The following CHL1 variants were observed in gnomAD, a reference collection of about 807,000 sequenced individuals.
The protein encoded by CHL1 is cell adhesion molecule L1 like.
In CHL1, 96 loss-of-function variants were observed where a neutral mutation model predicts 141.9. That is an observed-to-expected ratio of 0.68 (90% CI 0.57 to 0.80). CHL1 has a LOEUF of 0.80. CHL1 is among the 30% of genes least tolerant of loss of function. The probability of loss-of-function intolerance (pLI) is 0.00; values close to 1 mark genes in which losing one functional copy is unlikely to be tolerated. For missense variants in CHL1, 1,820 were observed against 1,457.2 expected, an observed-to-expected ratio of 1.25 and a Z score of -4.05; for synonymous variants, 613 against 502.2, an observed-to-expected ratio of 1.22 and a Z score of -2.95.
chr3:263,143 G>A (rs540706485), intron 2 of CHL1, among the ~76,000 whole-genome samples: 2 of 152,242 alleles, frequency 1.3e-5, no homozygotes, highest in African/African-American at 2.4e-5. Flanking sequence ...ATCCAGATGT[G>A]CCAGCACTGA....
chr3:236,647 G>A (rs760114326), intron 1 of CHL1, among the ~76,000 whole-genome samples: 3 of 152,132 alleles, frequency 2.0e-5, no homozygotes, highest in African/African-American at 7.2e-5. Context: ...TGTCTTCCAA[G>A]TTGTAACAGG....
chr3:378,908 G>A (rs142611207), intron 16 of CHL1, among the ~76,000 whole-genome samples: 19 of 152,160 alleles, frequency 1.2e-4, no homozygotes, highest in Non-Finnish European at 1.9e-4. Context: ...TGGAACTATC[G>A]TAAATTTGTG....
intron 2 of CHL1, among the ~76,000 whole-genome samples, chr3:284,649 T>A (rs331872): frequency 0.42 from 64,311 of 152,112 alleles, 16,147 homozygotes; most frequent in African/African-American, 0.69. Flanking sequence ...AAAGACAAAT[T>A]TTAGTTCTAT....
chr3:266,529 C>T (rs1039394895), intron 2 of CHL1, among the ~76,000 whole-genome samples: 12 of 152,076 alleles, frequency 7.9e-5, no homozygotes, highest in East Asian at 3.9e-4. Flanking sequence ...GTTTGCTCTG[C>T]GGCTGCTCTT....
intron 1 of CHL1, among the ~76,000 whole-genome samples, chr3:220,009 C>G (rs1224662582): frequency 6.6e-6 from 1 of 152,134 alleles, no homozygotes; most frequent in Non-Finnish European, 1.5e-5. Flanking sequence ...GGATGGACTA[C>G]TGATATATGC....
At chr3:242,413 G>A (rs192105112) in intron 1 of CHL1, among the ~76,000 whole-genome samples, 13,777 of 137,108 alleles carry the variant, frequency 0.1, 861 homozygotes, top group Middle Eastern at 0.21. Flanking sequence ...TGGCTAACAC[G>A]GTGAAACCCC....
intron 2 of CHL1, among the ~76,000 whole-genome samples, chr3:308,278 G>A (rs1361762412): frequency 6.6e-6 from 1 of 152,158 alleles, no homozygotes; most frequent in African/African-American, 2.4e-5. Context: ...TTTATTATGT[G>A]TATTTCCTAT....
rs1048693615 is a variant in CHL1 at position 363,499 on chromosome 3, C to T, written c.1585+116C>T. On this transcript the variant is annotated intron_variant, in intron 14 of 27. Transcript: ENST00000256509. ...GAGTACCAGATAAAGTTCTTTGAACCGTTTTTCAAAATTCCTAGAATGGGT... is the reference window on the plus strand; with the variant it reads ...GAGTACCAGATAAAGTTCTTTGAACTGTTTTTCAAAATTCCTAGAATGGGT... 12 of 968,088 alleles carry T rather than the reference C, an allele frequency of 1.2e-5. No homozygotes were observed. In the East Asian group the frequency reaches 1.6e-4, roughly 13 times the overall value. 60.0% of individuals were successfully genotyped at this position (968,088 alleles called of 1,614,324 possible).
chr3:325,947 T>A lies in CHL1; in HGVS notation c.92-12T>A. 3.2e-6 allele frequency: 5 copies of A among 1,583,786 alleles called. No individual in the cohort carries two copies. The highest frequency in any genetic ancestry group is 4.3e-6 in the Non-Finnish European group (5 of 1,155,806). ...GAATAGTGTGTTTTTAAGTACATAT[T>A]TTAATATTTAGTTCAACAGGTTCCA... On this transcript the variant is annotated splice_polypyrimidine_tract_variant and intron_variant, in intron 3 of 27. Coordinates refer to ENST00000256509, the MANE Select transcript of CHL1 (RefSeq NM_006614.4).
At chr3:297,417 A>C (rs1369449693) in intron 2 of CHL1, among the ~76,000 whole-genome samples, 2 of 151,378 alleles carry the variant, frequency 1.3e-5, no homozygotes, top group African/African-American at 4.9e-5. Context: ...CCATTAGACT[A>C]TTTTGGCATT....
chr3:246,077 GATAC>G (rs1244336946), intron 2 of CHL1, among the ~76,000 whole-genome samples: 1 of 152,040 alleles, frequency 6.6e-6, no homozygotes, highest in Non-Finnish European at 1.5e-5. Flanking sequence ...GATTGTGTGG[GATAC>G]ATTTATTCCA....
intron 2 of CHL1, chr3:247,841 A>G (rs1693310812): frequency 6.6e-6 from 1 of 152,140 alleles, no homozygotes; most frequent in African/African-American, 2.4e-5. Flanking sequence ...TGGATGCTAG[A>G]ACATTGTGCA....
At chr3:280,988 C>T (rs2125294314) in intron 2 of CHL1, among the ~76,000 whole-genome samples, 1 of 152,188 alleles carries the variant, frequency 6.6e-6, no homozygotes, top group East Asian at 1.9e-4. Flanking sequence ...ATCACATTTT[C>T]TAACCCAGTA....
chr3:400,408 C>T (rs755561584), intron 26 of CHL1, among the ~76,000 whole-genome samples: 2 of 152,076 alleles, frequency 1.3e-5, no homozygotes, highest in Non-Finnish European at 2.9e-5. Context: ...TCCTTATCCC[C>T]AACAGATAAT....
intron 10 of CHL1, among the ~76,000 whole-genome samples, chr3:354,225 A>G (rs1019773970): frequency 6.6e-5 from 10 of 152,170 alleles, no homozygotes; most frequent in African/African-American, 2.4e-4. Context: ...AATTCTTACA[A>G]TATAATTCTT....
chr3:386,181 A>G (rs1365588208), intron 19 of CHL1, among the ~76,000 whole-genome samples: 2 of 148,810 alleles, frequency 1.3e-5, no homozygotes, highest in African/African-American at 2.5e-5. Context: ...TCCTATCTAC[A>G]TGATAATGGT....
chr3:266,307 C>T (rs1695144141), intron 2 of CHL1, among the ~76,000 whole-genome samples: 1 of 151,998 alleles, frequency 6.6e-6, no homozygotes, highest in African/African-American at 2.4e-5. Flanking sequence ...AGTGATGCAC[C>T]AGCGAGCGAC....
At chr3:242,314 T>TC (rs1692659147) in intron 1 of CHL1, among the ~76,000 whole-genome samples, 1 of 151,386 alleles carries the variant, frequency 6.6e-6, no homozygotes, top group Non-Finnish European at 1.5e-5. Flanking sequence ...ATACAGAGAC[T>TC]GGCTGAGCGC....
chr3:353,535 C>T (rs950354968), intron 10 of CHL1, among the ~76,000 whole-genome samples: 1 of 152,164 alleles, frequency 6.6e-6, no homozygotes, highest in Non-Finnish European at 1.5e-5. Flanking sequence ...TAAGTCCACA[C>T]CCTGTGGAGT....
Sources: gnomAD v4.1 joint callset for allele counts (sites outside exome capture counted in the v4.1 genomes callset) on GRCh38, gnomAD v4.1.1 for gene constraint, MANE v1.5 for transcripts, NCBI Gene and HGNC (gene_info 2026-07-23, HGNC 2026-07-21) for gene names.